The following VASH2 variants were observed in gnomAD, a reference collection of about 807,000 sequenced individuals.
VASH2 encodes the protein tubulinyl-Tyr carboxypeptidase 2.
VASH2 carries 28 observed loss-of-function variants against 37.2 expected under a neutral mutation model. The observed-to-expected ratio is 0.75, with a 90% CI of 0.56 to 1.03. The LOEUF (loss-of-function observed/expected upper bound fraction) is 1.03. VASH2 is among the 50% of genes least tolerant of loss of function. VASH2 has a pLI of 0.00. For missense variants in VASH2, 419 were observed against 459.1 expected (o/e 0.91, Z 0.80); for synonymous variants, 188 against 174.7 (o/e 1.08, Z -0.60).
At chr1:212,973,288 G>T (rs1454150891) in intron 6 of VASH2, 1 of 1,006,592 alleles carries the variant, frequency 9.9e-7, no homozygotes, top group African/African-American at 1.7e-5. Flanking sequence ...GTTTTCCCAG[G>T]ACATGAGATT....
rs1315970546 is a variant in VASH2, at chr1:212,989,923, T to G, written c.*1339T>G. ...TCAAGAGTACAGCTTCAATTTCATT[T>G]GCTTTATCTTAGCAACAATGCCAAC... On this transcript the variant is annotated 3_prime_UTR_variant, in exon 8 of 8. Coordinates refer to ENST00000517399, the MANE Select transcript of VASH2 (RefSeq NM_001301056.2). 6.6e-6 allele frequency: 1 copy of G among 152,216 alleles called. No individual in the cohort carries two copies. The highest frequency in any genetic ancestry group is 1.5e-5 in the Non-Finnish European group (1 of 68,034). The allele number at this position is 152,216 out of a possible 1,614,324, so 9.4% of individuals were successfully genotyped here.
chr1:212,970,331 T>C (rs1177430420), intron 5 of VASH2, among the ~76,000 whole-genome samples: 1 of 152,156 alleles, frequency 6.6e-6, no homozygotes, highest in Non-Finnish European at 1.5e-5. Context: ...CAGTGACTCG[T>C]GACATGAGGG....
intron 7 of VASH2, among the ~76,000 whole-genome samples, chr1:212,979,790 G>C (rs1446916922): frequency 6.6e-6 from 1 of 152,188 alleles, no homozygotes; most frequent in African/African-American, 2.4e-5. Flanking sequence ...CTCTGGGAGT[G>C]TGTAAAGCAC....
Position 212,951,946 on chromosome 1 carries a change from T to A in VASH2, c.276+128T>A. On this transcript the variant is annotated intron_variant, in intron 2 of 7. Transcript: ENST00000517399. This position sits in a 1 kb window ranked among gnomAD's most constrained non-coding sequence, Gnocchi z 4.4. ...AGTCCTGCTACAAACTCCCTTCCTC[T>A]CCCCATTCCTTCCTGCCAGCCCTTT... 1 of 1,121,264 alleles carries A rather than the reference T, an allele frequency of 8.9e-7. No homozygotes were observed. Among genetic ancestry groups the A allele is most frequent in the Non-Finnish European group, 1.2e-6 (1 of 809,956 alleles). 69.5% of individuals were successfully genotyped at this position (1,121,264 alleles called of 1,614,324 possible). A position where few individuals can be genotyped will look rare whatever the true frequency, so the allele number is the denominator to read the frequency against.
In VASH2 at chr1:212,989,950, C is replaced by T. The variant is rs1478481064; in HGVS notation, c.*1366C>T. The T allele has an allele frequency of 2.6e-5, 4 of 152,004 alleles. No individual in the cohort carries two copies. Among genetic ancestry groups the T allele is most frequent in the Non-Finnish European group, 5.9e-5 (4 of 68,014 alleles). 9.4% of individuals were successfully genotyped at this position (152,004 alleles called of 1,614,324 possible). ...CTTTATCTTAGCAACAATGCCAACT[C>T]AGGAGAGCAGACGGCCGATTTCAGT... On this transcript the variant is annotated 3_prime_UTR_variant, in exon 8 of 8. Coordinates refer to ENST00000517399, the MANE Select transcript of VASH2 (RefSeq NM_001301056.2).
chr1:212,967,483 C>T, intron 5 of VASH2: 2 of 1,146,264 alleles, frequency 1.7e-6, no homozygotes, highest in Non-Finnish European at 2.2e-6. Context: ...AGAGATGGTC[C>T]CAGGCAAGAT....
rs1301291472 is a variant in VASH2, at chr1:212,986,295, CTG to C, written c.996-2214_996-2213del. On this transcript the variant is annotated intron_variant, in intron 7 of 7. Transcript: ENST00000517399. ...CTGAATTTTCTACAAGTGGGGCACACTGTGGAGCAGTGATTTACTTTTCTAAC... is the reference window on the plus strand; with the variant it reads ...CTGAATTTTCTACAAGTGGGGCACACTGGAGCAGTGATTTACTTTTCTAAC... 2.0e-5 allele frequency among the ~76,000 whole-genome samples: 3 copies of C among 152,304 alleles called. No individual in the cohort carries two copies. In the East Asian group the frequency reaches 5.8e-4, roughly 29 times the overall value.
intron 2 of VASH2, among the ~76,000 whole-genome samples, chr1:212,954,504 T>A (rs1198756015): frequency 5.3e-5 from 8 of 152,162 alleles, no homozygotes; most frequent in Admixed American, 4.6e-4. Flanking sequence ...CACTGCAACC[T>A]CCACCTCCCG....
intron 7 of VASH2, among the ~76,000 whole-genome samples, chr1:212,985,198 CTTTTTTTTTT>C (rs55804989): frequency 9.9e-6 from 1 of 100,832 alleles, no homozygotes; most frequent in African/African-American, 4.5e-5. Context: ...ATTTTTTTTG[CTTTTTTTTTT>C]TTTTTTTTTT....
At position 212,982,334 on chromosome 1, in the gene VASH2, A is replaced by G. The variant is rs549292177; in HGVS notation, c.996-6178A>G. Reference sequence around the variant, plus strand: ...CAAAATGTTGCCGGAGAACCTTGAAAAAAGAAAATTCTTTCATTTCTTTGC... The same window carrying G: ...CAAAATGTTGCCGGAGAACCTTGAAGAAAGAAAATTCTTTCATTTCTTTGC... On this transcript the variant is annotated intron_variant, in intron 7 of 7. Transcript: ENST00000517399. Among the ~76,000 whole-genome samples the G allele has an allele frequency of 4.6e-5, 7 of 152,362 alleles. No individual in the cohort carries two copies. In the South Asian group the frequency reaches 1.2e-3, roughly 27 times the overall value.
chr1:212,986,420 C>CA, intron 7 of VASH2, among the ~76,000 whole-genome samples: 1 of 151,338 alleles, frequency 6.6e-6, no homozygotes, highest in South Asian at 2.1e-4. Context: ...GGCAAGGAGA[C>CA]AAAATGGAGG....
Position 212,988,499 on chromosome 1 carries a change from C to A in VASH2, c.996-13C>A. 6.2e-7 allele frequency: 1 copy of A among 1,613,872 alleles called. No homozygotes were observed. On this transcript the variant is annotated splice_polypyrimidine_tract_variant and intron_variant, in intron 7 of 7. Transcript: ENST00000517399. ...CCCCTCTCCTCCACCATATTTCTGT[C>A]TTTTACCCTTAGGCCTGCACTGCCT...
Position 212,969,216 on chromosome 1 carries a change from G to A in VASH2, c.497+2871G>A, listed in dbSNP as rs12043887. 149 of 976,764 alleles carry A rather than the reference G, an allele frequency of 1.5e-4. 1 individual carries two copies. In the African/African-American group the frequency reaches 2.4e-3, roughly 16 times the overall value. The allele number at this position is 976,764 out of a possible 1,614,324, so 60.5% of individuals were successfully genotyped here. A position where few individuals can be genotyped will look rare whatever the true frequency, so the allele number is the denominator to read the frequency against. ...CTTCTTTTTTTTTTTTTTTTGAGAC[G>A]GAGTCTTGGTCTGTCGCCCAAGCTG... On this transcript the variant is annotated intron_variant, in intron 5 of 7. Coordinates refer to ENST00000517399, the MANE Select transcript of VASH2 (RefSeq NM_001301056.2).
chr1:212,977,127 G>A (rs960043330), intron 7 of VASH2, among the ~76,000 whole-genome samples: 4 of 152,166 alleles, frequency 2.6e-5, no homozygotes, highest in East Asian at 3.9e-4. Flanking sequence ...GAGGGCTGAG[G>A]GGCTGGAACC....
intron 5 of VASH2, among the ~76,000 whole-genome samples, chr1:212,970,623 C>G (rs1666983311): frequency 6.6e-6 from 1 of 152,172 alleles, no homozygotes; most frequent in East Asian, 1.9e-4. Flanking sequence ...GGCGCAGTGG[C>G]TCATGCCTGT....
intron 5 of VASH2, chr1:212,969,010 A>C: frequency 1.0e-6 from 1 of 985,466 alleles, no homozygotes; most frequent in Non-Finnish European, 1.2e-6. Flanking sequence ...TTGTGGGGAT[A>C]GACCCAGGAA....
At chr1:212,962,317 A>G (rs1572062881) in intron 3 of VASH2, among the ~76,000 whole-genome samples, 1 of 152,160 alleles carries the variant, frequency 6.6e-6, no homozygotes, top group Non-Finnish European at 1.5e-5. Flanking sequence ...GGGAAGCTGG[A>G]CCCCAGCACA....
Position 212,989,814 on chromosome 1 carries a change from C to G in VASH2, c.*1230C>G. ...CCCTAAGCACAGAATGAATGTCTGG[C>G]CTGCATATGGTAGTTACAGTGTAAC... On this transcript the variant is annotated 3_prime_UTR_variant, in exon 8 of 8. Coordinates refer to ENST00000517399, the MANE Select transcript of VASH2 (RefSeq NM_001301056.2). The G allele has an allele frequency of 6.6e-6, 1 of 152,224 alleles. No homozygotes were observed. Among genetic ancestry groups the G allele is most frequent in the Middle Eastern group, 3.4e-3 (1 of 294 alleles). The allele number at this position is 152,224 out of a possible 1,614,324, so 9.4% of individuals were successfully genotyped here.
At chr1:212,968,450 G>A in intron 5 of VASH2, 3 of 985,506 alleles carry the variant, frequency 3.0e-6, no homozygotes, top group South Asian at 9.4e-5. Flanking sequence ...GGGTCTCCTG[G>A]ACATCTTTGT....
Sources: allele counts gnomAD v4.1 joint callset (sites outside exome capture counted in the v4.1 genomes callset), GRCh38; gene constraint gnomAD v4.1.1; non-coding constraint Gnocchi (gnomAD v3.1); transcripts MANE v1.5; gene names NCBI Gene and HGNC (gene_info 2026-07-23, HGNC 2026-07-21).